Variants in RPS6KC1 observed in about 807,000 individuals in gnomAD.
RPS6KC1 encodes ribosomal protein S6 kinase C1, also known as inactive ribosomal protein S6 kinase delta-1.
Under a neutral mutation model 103.8 loss-of-function variants are expected in RPS6KC1, and 54 were observed. The observed-to-expected ratio is 0.52, with a 90% CI of 0.42 to 0.65. The LOEUF is 0.65. Among genes scored for constraint, RPS6KC1 ranks in the 30% least tolerant of loss-of-function variants. The pLI is 0.00. For missense variants in RPS6KC1, 1,151 were observed against 1,253.8 expected, an observed-to-expected ratio of 0.92 and a Z score of 1.24; for synonymous variants, 439 against 438.7, an observed-to-expected ratio of 1.00 and a Z score of -0.01.
chr1:213,774,949 A>G, the RPS6KC1 span, among the ~76,000 whole-genome samples: 1 of 152,232 alleles, frequency 6.6e-6, no homozygotes, highest in African/African-American at 2.4e-5. Flanking sequence ...GATGGCAAAC[A>G]TATAGAAGCA....
At chr1:213,349,081 C>G in the RPS6KC1 span, among the ~76,000 whole-genome samples, 1 of 152,156 alleles carries the variant, frequency 6.6e-6, no homozygotes, top group Non-Finnish European at 1.5e-5. Context: ...CTAATCATTA[C>G]TCTTTTAAAA....
chr1:213,232,987 T>G (rs1288617861), intron 10 of RPS6KC1, among the ~76,000 whole-genome samples: 2 of 152,176 alleles, frequency 1.3e-5, no homozygotes, highest in East Asian at 3.8e-4. Context: ...AGTAAAAAAT[T>G]TTTAAATTGT....
At chr1:213,763,338 C>T in the RPS6KC1 span, among the ~76,000 whole-genome samples, 21 of 152,298 alleles carry the variant, frequency 1.4e-4, no homozygotes, top group Non-Finnish European at 2.5e-4. Context: ...GAGACCCTTC[C>T]AAGATGAGGA....
the RPS6KC1 span, among the ~76,000 whole-genome samples, chr1:213,749,076 A>G: frequency 6.6e-6 from 1 of 152,196 alleles, no homozygotes; most frequent in Non-Finnish European, 1.5e-5. Context: ...GGGATAATCA[A>G]TTTATTCATA....
chr1:213,409,025 G>A, the RPS6KC1 span, among the ~76,000 whole-genome samples: 1 of 152,038 alleles, frequency 6.6e-6, no homozygotes, highest in Non-Finnish European at 1.5e-5. Context: ...GTCCTTCAAG[G>A]CCTCTTTAGA....
At chr1:213,124,092 C>G (rs764543158) in intron 5 of RPS6KC1, among the ~76,000 whole-genome samples, 16 of 152,116 alleles carry the variant, frequency 1.1e-4, no homozygotes, top group Non-Finnish European at 2.2e-4. Flanking sequence ...GCTAAATAAA[C>G]GCCTATGTCT....
chr1:213,661,300 A>T, the RPS6KC1 span, among the ~76,000 whole-genome samples: 59,263 of 151,996 alleles, frequency 0.39, 11,717 homozygotes, highest in Middle Eastern at 0.49. Flanking sequence ...TGGTGTCAGG[A>T]TCTCAGGTAG....
intron 6 of RPS6KC1, among the ~76,000 whole-genome samples, chr1:213,140,001 G>A (rs1333896522): frequency 6.6e-6 from 1 of 151,932 alleles, no homozygotes; most frequent in Admixed American, 6.6e-5. Context: ...ATTTGTTTGT[G>A]TCATATCTGA....
chr1:213,291,921 G>C, the RPS6KC1 span, among the ~76,000 whole-genome samples: 1 of 152,122 alleles, frequency 6.6e-6, no homozygotes, highest in African/African-American at 2.4e-5. Flanking sequence ...ATTAATTTTT[G>C]TATAAGGTGT....
the RPS6KC1 span, among the ~76,000 whole-genome samples, chr1:213,456,772 C>A: frequency 2.0e-5 from 3 of 152,126 alleles, no homozygotes; most frequent in Non-Finnish European, 4.4e-5. Context: ...GCAATAATTC[C>A]ATTTTTAATA....
chr1:213,358,789 A>G, the RPS6KC1 span, among the ~76,000 whole-genome samples: 1 of 152,042 alleles, frequency 6.6e-6, no homozygotes, highest in Non-Finnish European at 1.5e-5. Context: ...GAACATCTTT[A>G]TTTCTGCCTT....
the RPS6KC1 span, among the ~76,000 whole-genome samples, chr1:213,431,205 G>A: frequency 6.6e-6 from 1 of 152,174 alleles, no homozygotes; most frequent in African/African-American, 2.4e-5. Flanking sequence ...CACTTGCAAA[G>A]CCCCCATTCA....
chr1:213,300,900 T>G, the RPS6KC1 span, among the ~76,000 whole-genome samples: 1 of 152,156 alleles, frequency 6.6e-6, no homozygotes, highest in Non-Finnish European at 1.5e-5. Context: ...TCCCAGGGCT[T>G]GCTGGGTTGG....
the RPS6KC1 span, among the ~76,000 whole-genome samples, chr1:213,636,727 A>T: frequency 6.7e-6 from 1 of 148,214 alleles, no homozygotes; most frequent in Non-Finnish European, 1.5e-5. Context: ...TGACTAAAAC[A>T]CCAAAAGCAA....
chr1:213,712,490 C>T, the RPS6KC1 span, among the ~76,000 whole-genome samples: 1 of 152,214 alleles, frequency 6.6e-6, no homozygotes, highest in African/African-American at 2.4e-5. Context: ...CCACTTGGCT[C>T]CCTGGCTTCA....
the RPS6KC1 span, among the ~76,000 whole-genome samples, chr1:213,802,358 T>C: frequency 6.6e-6 from 1 of 152,210 alleles, no homozygotes; most frequent in Non-Finnish European, 1.5e-5. Flanking sequence ...TGCTAAGAAA[T>C]CCAATCTACT....
chr1:213,449,752 C>T, the RPS6KC1 span, among the ~76,000 whole-genome samples: 2 of 152,296 alleles, frequency 1.3e-5, no homozygotes, highest in Admixed American at 1.3e-4. Context: ...TCAATGTTTG[C>T]TTTGTGTACC....
chr1:213,080,610 T>G (rs2148558903), intron 3 of RPS6KC1, among the ~76,000 whole-genome samples: 1 of 152,324 alleles, frequency 6.6e-6, no homozygotes, highest in South Asian at 2.1e-4. Flanking sequence ...TCTCACTCTG[T>G]CACCCTGGGT....
chr1:213,593,766 A>T, the RPS6KC1 span, among the ~76,000 whole-genome samples: 1 of 152,208 alleles, frequency 6.6e-6, no homozygotes, highest in Admixed American at 6.5e-5. Flanking sequence ...GGAGGAAGTC[A>T]GTAGGCAGCT....
Sources: allele counts gnomAD v4.1 joint callset (sites outside exome capture counted in the v4.1 genomes callset), GRCh38; gene constraint gnomAD v4.1.1; transcripts MANE v1.5; gene names NCBI Gene and HGNC (gene_info 2026-07-23, HGNC 2026-07-21).